Variants in RBP5 observed in about 807,000 individuals in gnomAD.
RBP5 encodes retinol binding protein 5, also known as retinol-binding protein 5.
In RBP5, 12 loss-of-function variants were observed where a neutral mutation model predicts 17.8. The ratio of observed to expected loss-of-function variants is 0.67; its 90% CI spans 0.43 to 1.09. RBP5 has a LOEUF of 1.09. Among genes scored for constraint, RBP5 ranks in the 50% least tolerant of loss-of-function variants. The probability of loss-of-function intolerance (pLI) is 0.00; values close to 1 mark genes in which losing one functional copy is unlikely to be tolerated. For missense variants in RBP5, 172 were observed against 169.4 expected (o/e 1.02, Z -0.09); for synonymous variants, 64 against 68.1 (o/e 0.94, Z 0.30).
At position 7,124,685 on chromosome 12, in the gene RBP5, C is replaced by T. The variant is rs889844256; in HGVS notation, c.298G>A (p.Gly100Arg). Reference sequence around the variant, plus strand: ...CTCCAGCCCCGGTTGGGGACCTCCCCTTTCTGCACACACACCAGGTGCTCC... The same window carrying T: ...CTCCAGCCCCGGTTGGGGACCTCCCTTTTCTGCACACACACCAGGTGCTCC... ...EEEHLVCVQK[G>R]EVPNRGWRHW... is the part of the protein sequence containing the mutation. Residue 100 changes from glycine to arginine, a missense_variant, in exon 3 of 4, where the codon GGG (glycine) becomes AGG (arginine). By Grantham distance (125) the Gly-to-Arg change is moderately radical. Coordinates refer to ENST00000266560, the MANE Select transcript of RBP5 (RefSeq NM_031491.4). The surrounding 1 kb of genome is among the most constrained non-coding windows in gnomAD (Gnocchi z 5.3). The T allele has an allele frequency of 4.3e-6, 7 of 1,613,496 alleles. No homozygotes were observed. Among genetic ancestry groups the T allele is most frequent in the Non-Finnish European group, 5.9e-6 (7 of 1,179,426 alleles).
In RBP5 at chr12:7,128,761, G is replaced by T; in HGVS notation, c.15C>A (p.Leu5=). 6.2e-7 allele frequency: 1 copy of T among 1,602,814 alleles called. No individual in the cohort carries two copies. MPPN[L]TGYYRFVSQK... is the part of the protein sequence containing the mutation. ...GCGAGACAAAGCGGTAGTAGCCAGT[G>T]AGGTTGGGAGGCATTGTGTGGATGA... The change falls in exon 1 of 4, where the codon CTC becomes CTA. Residue 5 remains leucine (L), a synonymous_variant. Transcript: ENST00000266560. This position sits in a 1 kb window ranked among gnomAD's most constrained non-coding sequence, Gnocchi z 5.3.
At chr12:7,127,147 C>T (rs561366691) in intron 2 of RBP5, among the ~76,000 whole-genome samples, 2 of 152,184 alleles carry the variant, frequency 1.3e-5, no homozygotes, top group Non-Finnish European at 2.9e-5. Context: ...CATGCGCCAC[C>T]ATGCCTGCCT....
At position 7,127,768 on chromosome 12, in the gene RBP5, CA is replaced by C. The variant is rs1939199684; in HGVS notation, c.252+471del. The C allele has an allele frequency of 1.3e-5, 9 of 696,914 alleles. No individual in the cohort carries two copies. The South Asian group carries it at 1.3e-4, about 10-fold the overall frequency. 43.2% of individuals were successfully genotyped at this position (696,914 alleles called of 1,614,324 possible). Reference sequence around the variant, plus strand: ...GATGATTTAGCCTATGGATAGTGGGCAGACAAAAGGGAGAAGACATTAAGAA... The same window carrying C: ...GATGATTTAGCCTATGGATAGTGGGCGACAAAAGGGAGAAGACATTAAGAA... On this transcript the variant is annotated intron_variant, in intron 2 of 3. Coordinates refer to ENST00000266560, the MANE Select transcript of RBP5 (RefSeq NM_031491.4).
chr12:7,129,920 C>A, upstream of RBP5: 2 of 556,002 alleles, frequency 3.6e-6, no homozygotes, highest in Non-Finnish European at 4.6e-6. The surrounding 1 kb of genome is among the most constrained non-coding windows in gnomAD (Gnocchi z 5.5). Context: ...TTCCTCGCAG[C>A]CCTGGGCTAC....
At chr12:7,127,524 A>ATT in intron 2 of RBP5, 1 of 618,298 alleles carries the variant, frequency 1.6e-6, no homozygotes, top group East Asian at 2.7e-5. Context: ...ATTGTTTTTT[A>ATT]TTTGTATCAT....
At position 7,128,378 on chromosome 12, in the gene RBP5, C is replaced by G; in HGVS notation, c.114G>C (p.Lys38Asn). The stretch of plus-strand genomic sequence containing the variant: ...CCTGGTGTTCGATCTCCTTGTCCGG[C>G]TTCAGCAGCAGCGCGATCTTCCGCA... ...LAVRKIALLL[K>N]PDKEIEHQGN... Residue 38 changes from lysine to asparagine, a missense_variant, in exon 2 of 4, where the codon AAG becomes AAC. Coordinates refer to ENST00000266560, the MANE Select transcript of RBP5 (RefSeq NM_031491.4). The surrounding 1 kb of genome is among the most constrained non-coding windows in gnomAD (Gnocchi z 5.3). The G allele has an allele frequency of 6.2e-7, 1 of 1,614,232 alleles. No homozygotes were observed. Among genetic ancestry groups the G allele is most frequent in the East Asian group, 2.2e-5 (1 of 44,888 alleles).
At chr12:7,121,754 G>C (rs891852874), downstream of RBP5, 2 of 155,566 alleles carry the variant, frequency 1.3e-5, no homozygotes, top group African/African-American at 2.4e-5. Context: ...ATCTGGGCCT[G>C]GTGGAGTGGG....
Position 7,128,142 on chromosome 12 carries a change from CT to C in RBP5, c.252+97del. The stretch of plus-strand genomic sequence containing the variant: ...GTGGTGACCATTCCCCTCCTCCCCG[CT>C]GCTCTGGCTGGGGAAGGTCACTTTG... On this transcript the variant is annotated intron_variant, in intron 2 of 3. Transcript: ENST00000266560. This position sits in a 1 kb window ranked among gnomAD's most constrained non-coding sequence, Gnocchi z 5.3. 9.1e-7 allele frequency: 1 copy of C among 1,101,602 alleles called. No individual in the cohort carries two copies. Among genetic ancestry groups the C allele is most frequent in the Admixed American group, 2.5e-5 (1 of 39,578 alleles). The allele number at this position is 1,101,602 out of a possible 1,614,324, so 68.2% of individuals were successfully genotyped here.
rs866240742 is a variant in RBP5, at chr12:7,123,981, G to C, written c.*140C>G. The C allele has an allele frequency of 9.4e-6, 7 of 745,596 alleles. 1 individual carries two copies. In the South Asian group the frequency reaches 1.1e-4, roughly 11 times the overall value. 46.2% of individuals were successfully genotyped at this position (745,596 alleles called of 1,614,324 possible). A position where few individuals can be genotyped will look rare whatever the true frequency, so the allele number is the denominator to read the frequency against. On this transcript the variant is annotated 3_prime_UTR_variant, in exon 4 of 4. Transcript: ENST00000266560. ...GCTGCAAGTTACAGATTAACACGGG[G>C]AGGGGTGAGGAGGGACCCAGAGGGA...
intron 2 of RBP5, among the ~76,000 whole-genome samples, chr12:7,126,147 G>C (rs190569833): frequency 6.6e-6 from 1 of 151,884 alleles, no homozygotes; most frequent in Admixed American, 6.5e-5. Flanking sequence ...GGTGGTGATA[G>C]AGAAAGGTTA....
chr12:7,125,214 C>G (rs1939141428), intron 2 of RBP5, among the ~76,000 whole-genome samples: 1 of 152,124 alleles, frequency 6.6e-6, no homozygotes, highest in Admixed American at 6.5e-5. Flanking sequence ...GCTTTCCACT[C>G]CTAAAGGTCA....
intron 2 of RBP5, among the ~76,000 whole-genome samples, chr12:7,126,645 G>C (rs891950266): frequency 6.6e-6 from 1 of 151,996 alleles, no homozygotes; most frequent in Non-Finnish European, 1.5e-5. Context: ...TTAGTGGAGA[G>C]AGTAGATATA....
chr12:7,125,098 G>C (rs1241422003), intron 2 of RBP5, among the ~76,000 whole-genome samples: 1 of 152,068 alleles, frequency 6.6e-6, no homozygotes, highest in Non-Finnish European at 1.5e-5. Flanking sequence ...GTAGAGACAG[G>C]GTTTCTCCAT....
chr12:7,119,305 C>A (rs1939048003), downstream of RBP5, among the ~76,000 whole-genome samples: 1 of 151,658 alleles, frequency 6.6e-6, no homozygotes, highest in Non-Finnish European at 1.5e-5. Flanking sequence ...TGCGTCATCC[C>A]TTTTCTCCTG....
upstream of RBP5, chr12:7,129,249 G>A: frequency 4.5e-6 from 1 of 221,044 alleles, no homozygotes; most frequent in Non-Finnish European, 9.3e-6. This position sits in a 1 kb window ranked among gnomAD's most constrained non-coding sequence, Gnocchi z 5.5. Context: ...GGCTGTGTGA[G>A]GTGGAGATGA....
chr12:7,129,903 C>A, upstream of RBP5: 1 of 717,158 alleles, frequency 1.4e-6, no homozygotes, highest in Non-Finnish European at 1.7e-6. This position sits in a 1 kb window ranked among gnomAD's most constrained non-coding sequence, Gnocchi z 5.5. Flanking sequence ...GCGGACCGCC[C>A]TGTGGCTTCC....
chr12:7,129,461 C>G (rs960984421), upstream of RBP5: 144 of 246,522 alleles, frequency 5.8e-4, 1 homozygote, highest in Non-Finnish European at 1.2e-4. The surrounding 1 kb of genome is among the most constrained non-coding windows in gnomAD (Gnocchi z 5.5). Context: ...GAGGTGGAGC[C>G]CGAGGGGTGC....
chr12:7,126,516 T>TGGTGGTG (rs1565645348), intron 2 of RBP5, among the ~76,000 whole-genome samples: 10 of 92,648 alleles, frequency 1.1e-4, no homozygotes, highest in African/African-American at 3.1e-4. Context: ...TGGTGGTGTG[T>TGGTGGTG]GTGTGTGTGT....
chr12:7,121,476 T>C (rs1939081305), downstream of RBP5, among the ~76,000 whole-genome samples: 1 of 152,040 alleles, frequency 6.6e-6, no homozygotes, highest in Non-Finnish European at 1.5e-5. Context: ...CACGTAGGCG[T>C]CAGGGTCATG....
Sources: gnomAD v4.1 joint callset for allele counts (sites outside exome capture counted in the v4.1 genomes callset) on GRCh38, gnomAD v4.1.1 for gene constraint, Gnocchi (gnomAD v3.1) non-coding constraint, MANE v1.5 for transcripts, NCBI Gene and HGNC (gene_info 2026-07-23, HGNC 2026-07-21) for gene names.